Variants in AGAP1 observed in about 807,000 individuals in gnomAD.
AGAP1 encodes arf-GAP with GTPase, ANK repeat and PH domain-containing protein 1.
AGAP1 carries 29 observed loss-of-function variants against 105.3 expected under a neutral mutation model. The ratio of observed to expected loss-of-function variants is 0.28; its 90% CI spans 0.21 to 0.38. The LOEUF (loss-of-function observed/expected upper bound fraction) is 0.38. Among genes scored for constraint, AGAP1 ranks in the 10% least tolerant of loss-of-function variants. The pLI, the probability that AGAP1 is intolerant of heterozygous loss-of-function variation, is 1.00. For synonymous variants in AGAP1, 509 were observed against 485.9 expected (o/e 1.05, Z -0.63); for missense variants, 998 against 1,165.1 (o/e 0.86, Z 2.09).
At chr2:236,068,297 C>T (rs1422967294) in intron 16 of AGAP1, among the ~76,000 whole-genome samples, 2 of 151,738 alleles carry the variant, frequency 1.3e-5, no homozygotes, top group East Asian at 3.9e-4. Flanking sequence ...AAATAGCTAG[C>T]GCAGATCACT....
intron 13 of AGAP1, among the ~76,000 whole-genome samples, chr2:236,004,698 A>G (rs1001561671): frequency 3.2e-4 from 48 of 152,360 alleles, no homozygotes; most frequent in Middle Eastern, 3.4e-3. Context: ...CATAAATTCA[A>G]TAGTACTTCT....
At chr2:235,670,335 C>T in intron 1 of AGAP1, 1 of 488,018 alleles carries the variant, frequency 2.0e-6, no homozygotes, top group Non-Finnish European at 3.6e-6. Context: ...GCGGAGGGCG[C>T]CGAGGAACCG....
rs144890550 is a variant in AGAP1 at position 236,113,924 on chromosome 2, A to G, written c.2115-6268A>G. ...GGAAGAGAAGCAAATATAAAATACG[A>G]TGGCGCCTGAAATGTACCTTTTCTT... On this transcript the variant is annotated intron_variant, in intron 16 of 17. Transcript: ENST00000304032. This position sits in a 1 kb window ranked among gnomAD's most constrained non-coding sequence, Gnocchi z 4.3. Among the ~76,000 whole-genome samples, 1,149 of 152,172 alleles carry G rather than the reference A, an allele frequency of 7.6e-3. 13 individuals carry two copies. Among genetic ancestry groups the G allele is most frequent in the African/African-American group, 0.026 (1,081 of 41,528 alleles).
chr2:235,804,397 T>C (rs1281408565), intron 8 of AGAP1, among the ~76,000 whole-genome samples: 1 of 152,206 alleles, frequency 6.6e-6, no homozygotes, highest in Non-Finnish European at 1.5e-5. Flanking sequence ...GCTCAGAAAC[T>C]TGCCATAAAA....
intron 16 of AGAP1, among the ~76,000 whole-genome samples, chr2:236,070,047 C>A (rs1275746456): frequency 1.3e-5 from 2 of 152,258 alleles, no homozygotes; most frequent in African/African-American, 4.8e-5. Context: ...GTCAGTGGCG[C>A]CTAGAGCCCT....
chr2:235,516,815 C>A (rs1367407410), intron 1 of AGAP1, among the ~76,000 whole-genome samples: 2 of 152,206 alleles, frequency 1.3e-5, no homozygotes, highest in African/African-American at 4.8e-5. Flanking sequence ...TAGGAGAGTG[C>A]CATGTGGGAC....
At position 235,719,010 on chromosome 2, in the gene AGAP1, T is replaced by C. The variant is rs1951253428; in HGVS notation, c.310+1366T>C. On this transcript the variant is annotated intron_variant, in intron 3 of 17. Transcript: ENST00000304032. This position sits in a 1 kb window ranked among gnomAD's most constrained non-coding sequence, Gnocchi z 4.9. ...CCTTTTAGAGAATCTTTTAGAGATT[T>C]TTCCTTTGGGTTTTCCACTTATTTT... 6.6e-6 allele frequency among the ~76,000 whole-genome samples: 1 copy of C among 152,212 alleles called. No homozygotes were observed. Among genetic ancestry groups the C allele is most frequent in the South Asian group, 2.1e-4 (1 of 4,834 alleles).
intron 9 of AGAP1, among the ~76,000 whole-genome samples, chr2:235,827,698 A>G (rs1210023280): frequency 2.0e-5 from 3 of 152,188 alleles, no homozygotes; most frequent in African/African-American, 7.2e-5. Flanking sequence ...CTGAATCGTC[A>G]CCGGCATTGA....
At chr2:236,075,415 A>G (rs1200723330) in intron 16 of AGAP1, among the ~76,000 whole-genome samples, 1 of 152,176 alleles carries the variant, frequency 6.6e-6, no homozygotes, top group Non-Finnish European at 1.5e-5. Context: ...AGGAAAACAT[A>G]AGACAGATGA....
intron 9 of AGAP1, among the ~76,000 whole-genome samples, chr2:235,823,355 G>A (rs77996592): frequency 0.017 from 2,566 of 152,058 alleles, 77 homozygotes; most frequent in African/African-American, 0.059. Context: ...GGCTGGTCTC[G>A]AGCTCCTGGC....
In AGAP1 at chr2:235,623,525, C is replaced by G. The variant is rs1280274578; in HGVS notation, c.164-85654C>G. 6.6e-6 allele frequency among the ~76,000 whole-genome samples: 1 copy of G among 152,214 alleles called. No homozygotes were observed. Among genetic ancestry groups the G allele is most frequent in the Admixed American group, 6.5e-5 (1 of 15,286 alleles). ...TCAGCCCCTCTTGCTGAGCACTTCT[C>G]TCTTCCTGTTCCTGTGCTGCTGGGC... is the stretch of plus-strand genomic sequence containing the variant. On this transcript the variant is annotated intron_variant, in intron 1 of 17. Coordinates refer to ENST00000304032, the MANE Select transcript of AGAP1 (RefSeq NM_001037131.3). This position sits in a 1 kb window ranked among gnomAD's most constrained non-coding sequence, Gnocchi z 4.5.
Position 235,906,783 on chromosome 2 carries a change from G to T in AGAP1, c.1156-1955G>T, listed in dbSNP as rs75303249. 6.7e-6 allele frequency among the ~76,000 whole-genome samples: 1 copy of T among 150,220 alleles called. No homozygotes were observed. Among genetic ancestry groups the T allele is most frequent in the African/African-American group, 2.5e-5 (1 of 39,646 alleles). ...CTGAACTGGAATTGTGTACTTTGTG[G>T]CTTTTGTTGTGCCTTTTCTTCTATC... On this transcript the variant is annotated intron_variant, in intron 10 of 17. Transcript: ENST00000304032. This position sits in a 1 kb window ranked among gnomAD's most constrained non-coding sequence, Gnocchi z 5.3.
chr2:235,681,843 C>CTTTTTTT (rs56934868), intron 1 of AGAP1, among the ~76,000 whole-genome samples: 6 of 78,300 alleles, frequency 7.7e-5, no homozygotes, highest in Non-Finnish European at 1.2e-4. Context: ...ATTTAGTTTG[C>CTTTTTTT]TTTTTTTTTT....
chr2:235,897,028 C>T (rs889355316), intron 10 of AGAP1, among the ~76,000 whole-genome samples: 1 of 152,182 alleles, frequency 6.6e-6, no homozygotes, highest in Non-Finnish European at 1.5e-5. Context: ...CAGGGTGAGA[C>T]TGGACAAAAT....
chr2:235,767,330 G>A (rs1255518200), intron 6 of AGAP1, among the ~76,000 whole-genome samples: 3 of 152,200 alleles, frequency 2.0e-5, no homozygotes, highest in Non-Finnish European at 4.4e-5. Context: ...TCACGTTAGC[G>A]TCTGCAGCCT....
At position 236,014,405 on chromosome 2, in the gene AGAP1, T is replaced by G. The variant is rs889020565; in HGVS notation, c.1646-22156T>G. Among the ~76,000 whole-genome samples the G allele has an allele frequency of 1.3e-5, 2 of 152,202 alleles. No individual in the cohort carries two copies. The highest frequency in any genetic ancestry group is 2.9e-5 in the Non-Finnish European group (2 of 68,024). Reference sequence around the variant, plus strand: ...TCTTGATTTGACATGCTCCTAATATTTGGCCGAATCAAAGGGCTTGTGGCG... The same window carrying G: ...TCTTGATTTGACATGCTCCTAATATGTGGCCGAATCAAAGGGCTTGTGGCG... On this transcript the variant is annotated intron_variant, in intron 13 of 17. Coordinates refer to ENST00000304032, the MANE Select transcript of AGAP1 (RefSeq NM_001037131.3). This position sits in a 1 kb window ranked among gnomAD's most constrained non-coding sequence, Gnocchi z 6.3.
intron 9 of AGAP1, chr2:235,852,835 C>T (rs1484042616): frequency 1.7e-5 from 25 of 1,481,216 alleles, no homozygotes; most frequent in Middle Eastern, 1.7e-4. Flanking sequence ...CCCAGCTGTC[C>T]GGGGCCATGA....
intron 9 of AGAP1, chr2:235,852,688 C>A: frequency 1.3e-6 from 2 of 1,487,646 alleles, no homozygotes; most frequent in Non-Finnish European, 1.8e-6. Flanking sequence ...CTCCCCAGGG[C>A]CTGCCCTTCT....
intron 9 of AGAP1, among the ~76,000 whole-genome samples, chr2:235,813,352 A>G (rs1312834247): frequency 6.6e-6 from 1 of 152,244 alleles, no homozygotes; most frequent in Non-Finnish European, 1.5e-5. Context: ...GGGTGACAGG[A>G]AGTAGTGTAG....
Sources: gnomAD v4.1 joint callset for allele counts (sites outside exome capture counted in the v4.1 genomes callset) on GRCh38, gnomAD v4.1.1 for gene constraint, Gnocchi (gnomAD v3.1) non-coding constraint, MANE v1.5 for transcripts, NCBI Gene and HGNC (gene_info 2026-07-23, HGNC 2026-07-21) for gene names.